KRT18: variants seen among roughly 807,000 people sequenced by gnomAD.
KRT18 encodes the protein keratin, type I cytoskeletal 18.
KRT18 carries 8 observed loss-of-function variants against 39.9 expected under a neutral mutation model. The observed-to-expected ratio is 0.20, with a 90% CI of 0.12 to 0.36. The LOEUF (loss-of-function observed/expected upper bound fraction) is 0.36. KRT18 is among the 10% of genes least tolerant of loss of function. KRT18 has a pLI of 1.00. For missense variants in KRT18, 396 were observed against 565.7 expected, an observed-to-expected ratio of 0.70 and a Z score of 3.04; for synonymous variants, 194 against 227.8, an observed-to-expected ratio of 0.85 and a Z score of 1.33.
In KRT18 at chr12:52,949,142, T is replaced by C. The variant is rs199517515; in HGVS notation, c.-32T>C. The C allele has an allele frequency of 1.3e-4, 213 of 1,600,746 alleles. 1 individual carries two copies. The African/African-American group carries it at 2.6e-3, about 20-fold the overall frequency. ...GGCCGCCACCGTCGTCCGCAAAGCC[T>C]GAGTCCTGTCCTTTCTCTCTCCCCG... On this transcript the variant is annotated 5_prime_UTR_variant, in exon 1 of 7. Coordinates refer to ENST00000388835, the MANE Select transcript of KRT18 (RefSeq NM_000224.3).
Position 52,952,768 on chromosome 12 carries a change from A to G in KRT18, c.1219A>G (p.Lys407Glu), listed in dbSNP as rs1000629681. The G allele has an allele frequency of 9.9e-6, 16 of 1,613,248 alleles. No homozygotes were observed. Among genetic ancestry groups the G allele is most frequent in the Non-Finnish European group, 1.4e-5 (16 of 1,179,932 alleles). Residue 407 changes from lysine to glutamate, a missense_variant, in exon 7 of 7, where the codon AAG becomes GAG. Lys to Glu is a moderately conservative substitution (Grantham distance 56). Transcript: ENST00000388835. ...DSSNSMQTIQ[K>E]TTTRRIVDGK... ...CAGCAACTCCATGCAAACCATCCAAAAGACCACCACCCGCCGGATAGTGGA... is the reference window on the plus strand; with the variant it reads ...CAGCAACTCCATGCAAACCATCCAAGAGACCACCACCCGCCGGATAGTGGA...
At chr12:52,949,944 TA>T in intron 1 of KRT18, 1 of 624,862 alleles carries the variant, frequency 1.6e-6, no homozygotes, top group Non-Finnish European at 2.8e-6. Flanking sequence ...CTGAGTCATC[TA>T]GGAGTAAACA....
intron 1 of KRT18, chr12:52,950,113 G>T (rs1201993345): frequency 3.0e-6 from 2 of 671,016 alleles, no homozygotes; most frequent in Non-Finnish European, 5.4e-6. Context: ...GCCTGCTGAG[G>T]CTTCCCAAGA....
Position 52,949,183 on chromosome 12 carries a change from A to G in KRT18, c.10A>G (p.Thr4Ala), listed in dbSNP as rs1241148678. Residue 4 changes from threonine (T) to alanine (A), a missense_variant, in exon 1 of 7, where the codon ACC becomes GCC. Thr to Ala is a moderately conservative substitution (Grantham distance 58). Transcript: ENST00000388835. MSF[T>A]TRSTFSTNYR... The stretch of plus-strand genomic sequence containing the variant: ...TCTCTCCCCGGACAGCATGAGCTTC[A>G]CCACTCGCTCCACCTTCTCCACCAA... The G allele has an allele frequency of 1.9e-6, 3 of 1,611,586 alleles. No homozygotes were observed. The South Asian group carries it at 3.3e-5, about 18-fold the overall frequency.
At position 52,952,773 on chromosome 12, in the gene KRT18, C is replaced by A. The variant is rs1033013373; in HGVS notation, c.1224C>A (p.Thr408=). 6.2e-7 allele frequency: 1 copy of A among 1,612,570 alleles called. No homozygotes were observed. Among genetic ancestry groups the A allele is most frequent in the African/African-American group, 1.3e-5 (1 of 74,848 alleles). Reference sequence around the variant, plus strand: ...ACTCCATGCAAACCATCCAAAAGACCACCACCCGCCGGATAGTGGATGGCA... The same window carrying A: ...ACTCCATGCAAACCATCCAAAAGACAACCACCCGCCGGATAGTGGATGGCA... ...SSNSMQTIQK[T]TTRRIVDGKV... Residue 408 remains threonine (T), a synonymous_variant, in exon 7 of 7, where the codon ACC becomes ACA. Transcript: ENST00000388835.
chr12:52,952,517 C>T (rs1942509545), intron 6 of KRT18, 175 bp downstream of exon 6: 2 of 765,354 alleles, frequency 2.6e-6, no homozygotes, highest in Non-Finnish European at 4.5e-6. Flanking sequence ...AGGTCTCCCC[C>T]TTGAAGAAAG....
intron 6 of KRT18, 115 bp from the exon 7 acceptor site, chr12:52,952,607 C>A: frequency 8.6e-7 from 1 of 1,156,934 alleles, no homozygotes; most frequent in Non-Finnish European, 1.3e-6. Flanking sequence ...GAGGAAGAGG[C>A]TGAGGGTGAT....
chr12:52,950,225 G>T, intron 1 of KRT18, 103 bp from the exon 2 acceptor site: 2 of 837,184 alleles, frequency 2.4e-6, no homozygotes, highest in South Asian at 2.7e-5. Flanking sequence ...CTATTCCTGG[G>T]ACCAGGAAGT....
chr12:52,949,516 C>T lies in KRT18; in HGVS notation c.343C>T (p.His115Tyr), dbSNP rs544079943. 6.2e-7 allele frequency: 1 copy of T among 1,613,600 alleles called. No individual in the cohort carries two copies. Among genetic ancestry groups the T allele is most frequent in the East Asian group, 2.2e-5 (1 of 44,884 alleles). ...NRRLESKIREHLEKKGPQVRD... is the reference protein window; with the variant it reads ...NRRLESKIREYLEKKGPQVRD... Reference sequence around the variant, plus strand: ...GAGGCTGGAGAGCAAAATCCGGGAGCACTTGGAGAAGAAGGGACCCCAGGT... The same window carrying T: ...GAGGCTGGAGAGCAAAATCCGGGAGTACTTGGAGAAGAAGGGACCCCAGGT... The change falls in exon 1 of 7, where the codon CAC (histidine) becomes TAC (tyrosine). Residue 115 changes from histidine to tyrosine, a missense_variant. Physicochemically the swap from His to Tyr is moderately conservative, Grantham distance 83. Transcript: ENST00000388835.
intron 1 of KRT18, 72 bp from the exon 2 acceptor site, chr12:52,950,256 C>A: frequency 1.8e-6 from 2 of 1,117,228 alleles, no homozygotes; most frequent in Non-Finnish European, 2.7e-6. Flanking sequence ...ATACATAACA[C>A]TTTTTACACA....
intron 1 of KRT18, 87 bp downstream of exon 1, chr12:52,949,677 A>AC (rs17120866): frequency 0.47 from 544,023 of 1,159,230 alleles, 134,341 homozygotes; most frequent in African/African-American, 0.71. Context: ...TTCCATAACC[A>AC]CCCAACCCCT....
At position 52,952,104 on chromosome 12, in the gene KRT18, T is replaced by C; in HGVS notation, c.949-15T>C. 6.5e-7 allele frequency: 1 copy of C among 1,544,538 alleles called. No homozygotes were observed. The highest frequency in any genetic ancestry group is 2.4e-5 in the East Asian group (1 of 41,228). On this transcript the variant is annotated splice_polypyrimidine_tract_variant and intron_variant, in intron 5 of 6. Transcript: ENST00000388835. Reference sequence around the variant, plus strand: ...CTCTGGGCTCACCCTGCCCCTCCTCTCTGTGCCCCTGCAGAAGGCCAGCTT... The same window carrying C: ...CTCTGGGCTCACCCTGCCCCTCCTCCCTGTGCCCCTGCAGAAGGCCAGCTT...
intron 1 of KRT18, chr12:52,950,025 A>G (rs1280112399): frequency 3.3e-6 from 2 of 605,650 alleles, no homozygotes; most frequent in Non-Finnish European, 5.8e-6. Context: ...CACTAGGGAA[A>G]AAATGCCAGG....
At position 52,950,354 on chromosome 12, in the gene KRT18, C is replaced by T; in HGVS notation, c.444C>T (p.Ala148=). 1 of 1,613,422 alleles carries T rather than the reference C, an allele frequency of 6.2e-7. No individual in the cohort carries two copies. The highest frequency in any genetic ancestry group is 8.5e-7 in the Non-Finnish European group (1 of 1,179,418). ...AQIFANTVDN[A]RIVLQIDNAR... ...TCTTCGCAAATACTGTGGACAATGCCCGCATCGTTCTGCAGATTGACAATG... is the reference window on the plus strand; with the variant it reads ...TCTTCGCAAATACTGTGGACAATGCTCGCATCGTTCTGCAGATTGACAATG... The change falls in exon 2 of 7, where the codon GCC becomes GCT. Residue 148 remains alanine, a synonymous_variant. Coordinates refer to ENST00000388835, the MANE Select transcript of KRT18 (RefSeq NM_000224.3).
rs945689746 is a variant in KRT18 at position 52,949,199 on chromosome 12, T to G, written c.26T>G (p.Phe9Cys). Residue 9 changes from phenylalanine to cysteine, a missense_variant, in exon 1 of 7, where the codon TTC (phenylalanine) becomes TGC (cysteine). Coordinates refer to ENST00000388835, the MANE Select transcript of KRT18 (RefSeq NM_000224.3). ...ATGAGCTTCACCACTCGCTCCACCT[T>G]CTCCACCAACTACCGGTCCCTGGGC... MSFTTRST[F>C]STNYRSLGSV... The G allele has an allele frequency of 6.8e-6, 11 of 1,611,652 alleles. No homozygotes were observed. In the African/African-American group the frequency reaches 1.1e-4, roughly 16 times the overall value.
intron 6 of KRT18, 46 bp downstream of exon 6, chr12:52,952,388 C>G (rs1942507671): frequency 7.6e-7 from 1 of 1,317,712 alleles, no homozygotes; most frequent in East Asian, 2.4e-5. Flanking sequence ...CAGGAGATCA[C>G]TTCTCCCCAA....
chr12:52,951,624 A>G lies in KRT18; in HGVS notation c.801A>G (p.Leu267=). 3 of 1,613,982 alleles carry G rather than the reference A, an allele frequency of 1.9e-6. No individual in the cohort carries two copies. The highest frequency in any genetic ancestry group is 2.5e-6 in the Non-Finnish European group (3 of 1,180,020). ...DELARKNREE[L]DKYWSQQIEE... is the part of the protein sequence containing the mutation. ...TGGCTCGGAAGAACCGAGAGGAGCT[A>G]GACAAGTACTGGTCTCAGCAGGTGC... Residue 267 remains leucine, a synonymous_variant, in exon 4 of 7, where the codon CTA becomes CTG. Coordinates refer to ENST00000388835, the MANE Select transcript of KRT18 (RefSeq NM_000224.3).
intron 1 of KRT18, 106 bp downstream of exon 1, chr12:52,949,696 G>A: frequency 2.9e-6 from 3 of 1,047,410 alleles, no homozygotes; most frequent in Non-Finnish European, 4.4e-6. Flanking sequence ...CTACTCCACC[G>A]GGAGGGGGTT....
Position 52,951,821 on chromosome 12 carries a change from T to C in KRT18, c.913T>C (p.Ser305Pro), listed in dbSNP as rs779439842. 3 of 1,608,926 alleles carry C rather than the reference T, an allele frequency of 1.9e-6. No homozygotes were observed. Among genetic ancestry groups the C allele is most frequent in the Non-Finnish European group, 2.5e-6 (3 of 1,179,958 alleles). The change falls in exon 5 of 7, where the codon TCC becomes CCC. Residue 305 changes from serine (S) to proline (P), a missense_variant. Ser to Pro is a moderately conservative substitution (Grantham distance 74, BLOSUM62 -1). Coordinates refer to ENST00000388835, the MANE Select transcript of KRT18 (RefSeq NM_000224.3). ...TLTELRRTVQ[S>P]LEIDLDSMRN... ...CACAGAGCTGAGACGTACAGTCCAG[T>C]CCTTGGAGATCGACCTGGACTCCAT... is the stretch of plus-strand genomic sequence containing the variant.
Sources: gnomAD v4.1 joint callset for allele counts on GRCh38, gnomAD v4.1.1 for gene constraint, MANE v1.5 for transcripts, NCBI Gene and HGNC (gene_info 2026-07-23, HGNC 2026-07-21) for gene names.